NPSR1: variants seen among roughly 807,000 people sequenced by gnomAD.
NPSR1 encodes the protein neuropeptide S receptor.
A neutral mutation model predicts 46.9 loss-of-function variants in NPSR1; 48 were observed. The ratio of observed to expected loss-of-function variants is 1.02; its 90% CI spans 0.81 to 1.30. The LOEUF (loss-of-function observed/expected upper bound fraction) is 1.30, where lower values mean the gene tolerates loss of function less well. NPSR1 is among the 50% of genes most tolerant of loss of function. The pLI, the probability that NPSR1 is intolerant of heterozygous loss-of-function variation, is 0.00. For missense variants in NPSR1, 450 were observed against 449.5 expected, an observed-to-expected ratio of 1.00 and a Z score of -0.01; for synonymous variants, 176 against 168.1, an observed-to-expected ratio of 1.05 and a Z score of -0.36.
chr7:34,860,980 G>A (rs1318513927), intron 8 of NPSR1, among the ~76,000 whole-genome samples: 1 of 151,876 alleles, frequency 6.6e-6, no homozygotes, highest in Non-Finnish European at 1.5e-5. Context: ...ACACAAAGCT[G>A]AGCTGGATGA....
intron 2 of NPSR1, among the ~76,000 whole-genome samples, chr7:34,745,273 GTCTA>G (rs1253191570): frequency 6.6e-6 from 1 of 151,902 alleles, no homozygotes; most frequent in Non-Finnish European, 1.5e-5. Context: ...CTTCTCTTTG[GTCTA>G]TCTCTTTGTC....
chr7:34,756,646 G>T (rs1325973330), intron 2 of NPSR1, among the ~76,000 whole-genome samples: 3 of 152,140 alleles, frequency 2.0e-5, no homozygotes, highest in Non-Finnish European at 4.4e-5. Context: ...TCATGTGCCT[G>T]GGCATATATT....
At chr7:34,669,915 G>A (rs971050094) in intron 1 of NPSR1, among the ~76,000 whole-genome samples, 2 of 152,174 alleles carry the variant, frequency 1.3e-5, no homozygotes, top group African/African-American at 4.8e-5. Context: ...TTTATAAACT[G>A]GAAAGCGCTA....
intron 5 of NPSR1, among the ~76,000 whole-genome samples, chr7:34,827,958 A>T (rs1038887432): frequency 7.2e-5 from 11 of 152,238 alleles, no homozygotes; most frequent in African/African-American, 2.7e-4. Flanking sequence ...AACATCAAAC[A>T]GGATTGATAT....
intron 2 of NPSR1, among the ~76,000 whole-genome samples, chr7:34,716,366 T>A (rs1783566503): frequency 6.6e-6 from 1 of 152,176 alleles, no homozygotes; most frequent in Non-Finnish European, 1.5e-5. Flanking sequence ...TATTGGGCAA[T>A]CACTGCCTTC....
intron 2 of NPSR1, among the ~76,000 whole-genome samples, chr7:34,755,032 A>C (rs1444043950): frequency 1.3e-5 from 2 of 152,218 alleles, no homozygotes; most frequent in African/African-American, 4.8e-5. Flanking sequence ...TCATCAGTTG[A>C]TGATTATTTC....
intron 2 of NPSR1, among the ~76,000 whole-genome samples, chr7:34,713,826 C>T (rs1479602712): frequency 6.6e-6 from 1 of 152,256 alleles, no homozygotes; most frequent in African/African-American, 2.4e-5. Context: ...TCTCAAGAAA[C>T]AGGATCTCAA....
chr7:34,868,001 C>A (rs1476539038), intron 8 of NPSR1, among the ~76,000 whole-genome samples: 1 of 151,748 alleles, frequency 6.6e-6, no homozygotes, highest in Non-Finnish European at 1.5e-5. Flanking sequence ...TGAGTCTCCC[C>A]AAAAACAATG....
At chr7:34,740,164 G>A (rs558930077) in intron 2 of NPSR1, among the ~76,000 whole-genome samples, 2 of 152,034 alleles carry the variant, frequency 1.3e-5, no homozygotes, top group African/African-American at 4.8e-5. Flanking sequence ...GCTGTGTCAT[G>A]CACATTGTCA....
At chr7:34,713,296 G>A (rs987076242) in intron 2 of NPSR1, among the ~76,000 whole-genome samples, 9 of 152,138 alleles carry the variant, frequency 5.9e-5, no homozygotes, top group Non-Finnish European at 1.0e-4. Context: ...TTAGGAGTCA[G>A]TATATTCGTA....
intron 3 of NPSR1, 50 bp from the exon 4 acceptor site, chr7:34,811,720 C>G: frequency 3.1e-6 from 4 of 1,303,598 alleles, no homozygotes; most frequent in Non-Finnish European, 3.3e-6. Flanking sequence ...CATTATGTGC[C>G]TTCCCTCACC....
chr7:34,864,240 G>T (rs1022334715), intron 8 of NPSR1, among the ~76,000 whole-genome samples: 1 of 151,624 alleles, frequency 6.6e-6, no homozygotes, highest in Admixed American at 6.6e-5. Flanking sequence ...AGGGCTAGGG[G>T]AGGGATAGCA....
intron 1 of NPSR1, among the ~76,000 whole-genome samples, chr7:34,677,106 C>T (rs556828290): frequency 1.8e-4 from 27 of 152,284 alleles, no homozygotes; most frequent in African/African-American, 6.3e-4. Flanking sequence ...ATTTGATATG[C>T]AGTGTTTGTC....
intron 2 of NPSR1, among the ~76,000 whole-genome samples, chr7:34,766,576 TA>T (rs1372674195): frequency 6.7e-5 from 10 of 149,242 alleles, no homozygotes; most frequent in African/African-American, 1.9e-4. Context: ...TATGATGAAT[TA>T]TTTTTTTTTT....
intron 3 of NPSR1, among the ~76,000 whole-genome samples, chr7:34,790,897 T>TTATATCA (rs1249581906): frequency 1.5e-5 from 2 of 129,482 alleles, no homozygotes; most frequent in African/African-American, 6.4e-5. Context: ...ATCATATATG[T>TTATATCA]TATATGTTAT....
chr7:34,767,632 A>G (rs1786496331), intron 2 of NPSR1, among the ~76,000 whole-genome samples: 1 of 152,190 alleles, frequency 6.6e-6, no homozygotes, highest in Non-Finnish European at 1.5e-5. Flanking sequence ...ATGATGGGAC[A>G]ATATCAAATA....
chr7:34,702,907 A>G (rs1321380918), intron 2 of NPSR1, among the ~76,000 whole-genome samples: 6 of 152,006 alleles, frequency 3.9e-5, no homozygotes, highest in Non-Finnish European at 7.4e-5. Context: ...AGAACCCGCT[A>G]GCATAGACCT....
At chr7:34,777,003 G>A (rs1275061985) in intron 2 of NPSR1, among the ~76,000 whole-genome samples, 1 of 152,144 alleles carries the variant, frequency 6.6e-6, no homozygotes, top group Non-Finnish European at 1.5e-5. Flanking sequence ...GGAAGAAAGA[G>A]ACCTCTTTTG....
At chr7:34,663,089 G>GTT (rs1791551566) in intron 1 of NPSR1, among the ~76,000 whole-genome samples, 4 of 100,052 alleles carry the variant, frequency 4.0e-5, no homozygotes, top group Admixed American at 1.0e-4. Context: ...GTGTATGTGT[G>GTT]TGTGGCGGGG....
Sources: allele counts gnomAD v4.1 joint callset (sites outside exome capture counted in the v4.1 genomes callset), GRCh38; gene constraint gnomAD v4.1.1; transcripts MANE v1.5; gene names NCBI Gene and HGNC (gene_info 2026-07-23, HGNC 2026-07-21).